The following FLNB variants were observed in gnomAD, a reference collection of about 807,000 sequenced individuals.
FLNB encodes the protein filamin-B.
FLNB carries 111 observed loss-of-function variants against 250.6 expected under a neutral mutation model. The observed-to-expected ratio is 0.44, with a 90% CI of 0.38 to 0.52. The LOEUF is 0.52. Among genes scored for constraint, FLNB ranks in the 20% least tolerant of loss-of-function variants. The pLI is 0.00. For synonymous variants in FLNB, 1,302 were observed against 1,372.1 expected (o/e 0.95, Z 1.13); for missense variants, 2,869 against 3,447.8 (o/e 0.83, Z 4.20).
intron 1 of FLNB, among the ~76,000 whole-genome samples, chr3:58,059,946 A>G (rs534408456): frequency 1.3e-5 from 2 of 152,290 alleles, no homozygotes; most frequent in African/African-American, 2.4e-5. Context: ...CCTGGGTTCA[A>G]ATTCCTGCTC....
intron 18 of FLNB, among the ~76,000 whole-genome samples, chr3:58,113,386 C>T (rs1292126284): frequency 2.0e-5 from 3 of 152,204 alleles, no homozygotes; most frequent in East Asian, 1.9e-4. Flanking sequence ...AGAAGGGCAA[C>T]GCTTTCTGCA....
chr3:58,055,110 T>C (rs1279004894), intron 1 of FLNB, among the ~76,000 whole-genome samples: 2 of 151,958 alleles, frequency 1.3e-5, no homozygotes, highest in East Asian at 3.9e-4. Flanking sequence ...CTACCAAAAA[T>C]ACAAAAATTA....
At chr3:58,123,002 C>T (rs2097291661) in intron 20 of FLNB, 91 bp from the exon 21 acceptor site, 2 of 1,221,100 alleles carry the variant, frequency 1.6e-6, no homozygotes, top group African/African-American at 1.5e-5. Flanking sequence ...CTCAGATGCA[C>T]TTCCATGCTG....
chr3:58,112,291 C>T lies in FLNB; in HGVS notation c.2718C>T (p.His906=), dbSNP rs1197409127. The T allele has an allele frequency of 1.9e-6, 3 of 1,613,812 alleles. No individual in the cohort carries two copies. Among genetic ancestry groups the T allele is most frequent in the African/African-American group, 1.3e-5 (1 of 75,042 alleles). The change falls in exon 18 of 46, where the codon CAC becomes CAT. Residue 906 remains histidine (H), a synonymous_variant. Transcript: ENST00000295956. The part of the protein sequence containing the change: ...LDIIDNYDYS[H]TVKYTPTQQG... ...TCATCGATAATTATGACTACTCTCA[C>T]ACGGTTAAATATACACCCACCCAAC...
chr3:58,162,661 C>T (rs1006300239), intron 42 of FLNB: 3 of 179,558 alleles, frequency 1.7e-5, no homozygotes, highest in Admixed American at 5.5e-5. Flanking sequence ...ACTGAACTCC[C>T]CAATGGGTGA....
At chr3:58,119,065 G>C (rs1046439386) in intron 19 of FLNB, 76 bp downstream of exon 19, 1 of 1,119,366 alleles carries the variant, frequency 8.9e-7, no homozygotes, top group Non-Finnish European at 1.4e-6. Context: ...TTCTTCAAAA[G>C]GTGAAATTTG....
rs751586969 is a variant in FLNB at position 58,109,310 on chromosome 3, C to T, written c.2187C>T (p.His729=). 4.2e-5 allele frequency: 68 copies of T among 1,613,672 alleles called. No homozygotes were observed. Among genetic ancestry groups the T allele is most frequent in the Non-Finnish European group, 5.4e-5 (64 of 1,179,858 alleles). The change falls in exon 14 of 46, where the codon CAC becomes CAT. Residue 729 remains histidine, a synonymous_variant. Coordinates refer to ENST00000295956, the MANE Select transcript of FLNB (RefSeq NM_001457.4). The part of the protein sequence containing the change: ...AVVWGGVNIP[H]SPYRVNIGQG... ...TCTGGGGAGGCGTGAACATCCCGCACAGCCCCTACAGGGTAGGTTGTGAGG... is the reference window on the plus strand; with the variant it reads ...TCTGGGGAGGCGTGAACATCCCGCATAGCCCCTACAGGGTAGGTTGTGAGG...
chr3:58,010,488 A>G (rs2097097015), intron 1 of FLNB, among the ~76,000 whole-genome samples: 1 of 152,066 alleles, frequency 6.6e-6, no homozygotes, highest in East Asian at 1.9e-4. Context: ...CTGCAGAAGA[A>G]TCTGCATGGC....
chr3:58,036,695 A>T (rs1306652191), intron 1 of FLNB, among the ~76,000 whole-genome samples: 1 of 152,216 alleles, frequency 6.6e-6, no homozygotes, highest in African/African-American at 2.4e-5. Flanking sequence ...TGTTAGTCCT[A>T]CAAAGGCAGA....
At chr3:58,109,440 C>A in intron 14 of FLNB, 118 bp downstream of exon 14, 1 of 1,590,580 alleles carries the variant, frequency 6.3e-7, no homozygotes, top group Non-Finnish European at 8.6e-7. Context: ...CCTGGTGGGC[C>A]TTGAATGATG....
At chr3:58,081,916 C>T in intron 4 of FLNB, 140 bp downstream of exon 4, 1 of 907,354 alleles carries the variant, frequency 1.1e-6, no homozygotes, top group Non-Finnish European at 1.8e-6. Context: ...TCCTTTGTAA[C>T]ACATTTTATG....
At chr3:58,058,788 C>T (rs2097173949) in intron 1 of FLNB, among the ~76,000 whole-genome samples, 1 of 152,210 alleles carries the variant, frequency 6.6e-6, no homozygotes, top group Admixed American at 6.5e-5. Flanking sequence ...TTCCTTATTT[C>T]CTGTCTTCCT....
chr3:58,111,244 C>G (rs1216111748), intron 16 of FLNB, among the ~76,000 whole-genome samples: 1 of 152,132 alleles, frequency 6.6e-6, no homozygotes, highest in Non-Finnish European at 1.5e-5. Context: ...TTTTGAAATC[C>G]TAGGGATTAA....
intron 1 of FLNB, among the ~76,000 whole-genome samples, chr3:58,056,114 T>TA (rs2097170167): frequency 1.3e-5 from 2 of 150,466 alleles, no homozygotes; most frequent in African/African-American, 4.9e-5. Context: ...TATTTTTTTT[T>TA]TTTTTGAGGT....
At chr3:58,134,346 C>T (rs1389466818) in intron 26 of FLNB, among the ~76,000 whole-genome samples, 1 of 152,196 alleles carries the variant, frequency 6.6e-6, no homozygotes, top group Non-Finnish European at 1.5e-5. Flanking sequence ...CACCAGGCCC[C>T]CTGGTCTTCT....
chr3:58,050,764 G>A (rs971007803), intron 1 of FLNB, among the ~76,000 whole-genome samples: 3 of 152,204 alleles, frequency 2.0e-5, no homozygotes, highest in African/African-American at 7.2e-5. Flanking sequence ...TCCTGAAATG[G>A]GGTGGCTGAG....
intron 1 of FLNB, among the ~76,000 whole-genome samples, chr3:58,071,815 T>G (rs971448282): frequency 8.5e-5 from 13 of 152,142 alleles, no homozygotes; most frequent in Non-Finnish European, 1.9e-4. Context: ...AGGAATGTAG[T>G]AGGCATACAC....
chr3:58,149,682 T>G, intron 36 of FLNB, 168 bp from the exon 37 acceptor site: 1 of 769,952 alleles, frequency 1.3e-6, no homozygotes, highest in Non-Finnish European at 2.2e-6. Flanking sequence ...CTCAGGACGC[T>G]TAACCTACTC....
intron 38 of FLNB, chr3:58,152,891 C>G (rs2097347629): frequency 2.6e-6 from 1 of 386,610 alleles, no homozygotes; most frequent in Non-Finnish European, 4.6e-6. Flanking sequence ...GTCTTGCGTC[C>G]TAGCACTGGT....
Sources: allele counts gnomAD v4.1 joint callset (sites outside exome capture counted in the v4.1 genomes callset), GRCh38; gene constraint gnomAD v4.1.1; transcripts MANE v1.5; gene names NCBI Gene and HGNC (gene_info 2026-07-23, HGNC 2026-07-21).